PRELID2: variants seen among roughly 807,000 people sequenced by gnomAD.
PRELID2 encodes PRELI domain-containing protein 2.
A neutral mutation model predicts 28.4 loss-of-function variants in PRELID2; 25 were observed. The observed-to-expected ratio is 0.88, with a 90% CI of 0.64 to 1.23. The LOEUF (loss-of-function observed/expected upper bound fraction) is 1.23, where lower values mean the gene tolerates loss of function less well. Among genes scored for constraint, PRELID2 ranks in the 50% most tolerant of loss-of-function variants. The probability of loss-of-function intolerance (pLI) is 0.00; values close to 1 mark genes in which losing one functional copy is unlikely to be tolerated. For synonymous variants in PRELID2, 76 were observed against 71.6 expected, an observed-to-expected ratio of 1.06 and a Z score of -0.31; for missense variants, 201 against 214.4, an observed-to-expected ratio of 0.94 and a Z score of 0.39.
At chr5:145,713,806 A>C (rs1755771005) in intron 1 of PRELID2, among the ~76,000 whole-genome samples, 3 of 150,046 alleles carry the variant, frequency 2.0e-5, no homozygotes, top group South Asian at 2.1e-4. Flanking sequence ...ATTACATTTA[A>C]ATGTAATTCT....
the PRELID2 span, among the ~76,000 whole-genome samples, chr5:145,452,397 C>T: frequency 6.6e-6 from 1 of 152,316 alleles, no homozygotes; most frequent in African/African-American, 2.4e-5. Flanking sequence ...CAAGCTTCCA[C>T]ACATGATATC....
chr5:145,273,512 G>A, the PRELID2 span, among the ~76,000 whole-genome samples: 2 of 151,914 alleles, frequency 1.3e-5, no homozygotes, highest in Non-Finnish European at 2.9e-5. Context: ...AGGGAGGAAG[G>A]AAAAAATGAA....
chr5:145,314,358 T>C, the PRELID2 span, among the ~76,000 whole-genome samples: 9 of 152,236 alleles, frequency 5.9e-5, no homozygotes, highest in African/African-American at 2.4e-5. Flanking sequence ...TTAATACATT[T>C]AAATAAGCCA....
intron 5 of PRELID2, among the ~76,000 whole-genome samples, chr5:145,793,300 C>A (rs529304214): frequency 6.6e-6 from 1 of 152,100 alleles, no homozygotes; most frequent in African/African-American, 2.4e-5. Flanking sequence ...TTTGTGAGTA[C>A]CTAGTTTTGA....
At chr5:145,431,422 A>G in the PRELID2 span, among the ~76,000 whole-genome samples, 2 of 152,190 alleles carry the variant, frequency 1.3e-5, no homozygotes, top group Admixed American at 6.5e-5. Flanking sequence ...CTGGATATTT[A>G]CATAGTTTGA....
intron 1 of PRELID2, among the ~76,000 whole-genome samples, chr5:145,572,535 C>T (rs1753023592): frequency 1.3e-5 from 2 of 152,160 alleles, no homozygotes; most frequent in South Asian, 4.1e-4. Flanking sequence ...CTATCATTAT[C>T]ATAATTATTT....
At chr5:145,239,696 G>A in the PRELID2 span, among the ~76,000 whole-genome samples, 1 of 151,958 alleles carries the variant, frequency 6.6e-6, no homozygotes, top group Non-Finnish European at 1.5e-5. Context: ...AGTTATCCAT[G>A]GAGATATTTC....
intron 1 of PRELID2, among the ~76,000 whole-genome samples, chr5:145,591,858 AAACT>A (rs567516299): frequency 7.2e-5 from 11 of 152,324 alleles, no homozygotes; most frequent in African/African-American, 2.6e-4. Context: ...AATAAAAATG[AAACT>A]TCCTCAGCTT....
chr5:145,269,149 A>AT, the PRELID2 span, among the ~76,000 whole-genome samples: 1 of 152,092 alleles, frequency 6.6e-6, no homozygotes, highest in African/African-American at 2.4e-5. Flanking sequence ...AATCCTGACA[A>AT]TTTTTTATAG....
intron 1 of PRELID2, among the ~76,000 whole-genome samples, chr5:145,596,484 TGAGAAGAATATCAA>T (rs1753308751): frequency 1.3e-5 from 2 of 152,068 alleles, no homozygotes; most frequent in Admixed American, 1.3e-4. Flanking sequence ...TTGTTTCAAA[TGAGAAGAATATCAA>T]ATTCTTCTCA....
At chr5:145,437,833 T>G in the PRELID2 span, among the ~76,000 whole-genome samples, 1 of 152,118 alleles carries the variant, frequency 6.6e-6, no homozygotes, top group South Asian at 2.1e-4. Context: ...AGAAATATGG[T>G]CTGGCATTTT....
chr5:145,625,892 C>G (rs541213040), intron 1 of PRELID2, among the ~76,000 whole-genome samples: 1 of 152,264 alleles, frequency 6.6e-6, no homozygotes, highest in African/African-American at 2.4e-5. Flanking sequence ...AAATAACTAA[C>G]TGATCTTTGA....
At chr5:145,292,792 A>G in the PRELID2 span, among the ~76,000 whole-genome samples, 1 of 152,068 alleles carries the variant, frequency 6.6e-6, no homozygotes, top group Non-Finnish European at 1.5e-5. Context: ...ACTGCAGCCT[A>G]AATATTCTGG....
At chr5:145,731,887 A>G (rs1364227401) in intron 1 of PRELID2, among the ~76,000 whole-genome samples, 2 of 152,200 alleles carry the variant, frequency 1.3e-5, no homozygotes, top group Non-Finnish European at 1.5e-5. Context: ...CCTCTGAATT[A>G]TCTCCTAGAG....
chr5:145,635,221 T>C (rs1277055550), intron 1 of PRELID2, among the ~76,000 whole-genome samples: 2 of 152,320 alleles, frequency 1.3e-5, no homozygotes, highest in Middle Eastern at 3.4e-3. Flanking sequence ...AACTGAAACA[T>C]AAATTCCTTA....
chr5:145,259,445 C>T, the PRELID2 span, among the ~76,000 whole-genome samples: 1 of 152,176 alleles, frequency 6.6e-6, no homozygotes, highest in African/African-American at 2.4e-5. Flanking sequence ...CAGAGCTGCA[C>T]AAGGCTTTGG....
intron 1 of PRELID2, among the ~76,000 whole-genome samples, chr5:145,731,882 G>C (rs1756357532): frequency 6.6e-6 from 1 of 152,144 alleles, no homozygotes; most frequent in East Asian, 1.9e-4. Context: ...AGAAGCCTCT[G>C]AATTATCTCC....
chr5:145,792,911 A>G (rs893061069), intron 5 of PRELID2, among the ~76,000 whole-genome samples: 5 of 152,226 alleles, frequency 3.3e-5, no homozygotes, highest in African/African-American at 1.2e-4. Flanking sequence ...CATTTTGCAG[A>G]CAATTAAACT....
chr5:145,703,309 T>G (rs975150223), intron 1 of PRELID2, among the ~76,000 whole-genome samples: 4 of 152,252 alleles, frequency 2.6e-5, no homozygotes, highest in Admixed American at 2.6e-4. Flanking sequence ...TTCAGCAGTT[T>G]AGACATTATT....
Sources: allele counts gnomAD v4.1 joint callset (sites outside exome capture counted in the v4.1 genomes callset), GRCh38; gene constraint gnomAD v4.1.1; transcripts MANE v1.5; gene names NCBI Gene and HGNC (gene_info 2026-07-23, HGNC 2026-07-21).